Variants in NUF2 observed in about 807,000 individuals in gnomAD.
NUF2 encodes the protein kinetochore protein Nuf2.
A neutral mutation model predicts 61.8 loss-of-function variants in NUF2; 34 were observed. That is an observed-to-expected ratio of 0.55 (90% CI 0.42 to 0.73). NUF2 has a LOEUF of 0.73. NUF2 is among the 30% of genes least tolerant of loss of function. The pLI is 0.00. For missense variants in NUF2, 445 were observed against 539.1 expected (o/e 0.83, Z 1.73); for synonymous variants, 172 against 181.6 (o/e 0.95, Z 0.42).
At chr1:163,337,549 C>T (rs1650804096) in intron 6 of NUF2, among the ~76,000 whole-genome samples, 1 of 152,020 alleles carries the variant, frequency 6.6e-6, no homozygotes, top group Non-Finnish European at 1.5e-5. Context: ...CAAAGCTTAC[C>T]ACATTCATGT....
At position 163,338,036 on chromosome 1, in the gene NUF2, A is replaced by G. The variant is rs768117169; in HGVS notation, c.452A>G (p.Lys151Arg). The part of the protein sequence containing the change: ...FLWQYKSSAD[K>R]MQQLNAAHQE... ...CTTTAATAGAAATCCTCTGCGGACA[A>G]AATGCAACAGTTAAACGCCGCACAC... The change falls in exon 7 of 14, where the codon AAA becomes AGA. Residue 151 changes from lysine to arginine, a missense_variant. Transcript: ENST00000271452. The G allele has an allele frequency of 2.4e-5, 38 of 1,613,028 alleles. No homozygotes were observed. Among genetic ancestry groups the G allele is most frequent in the Non-Finnish European group, 3.0e-5 (35 of 1,179,244 alleles).
intron 5 of NUF2, among the ~76,000 whole-genome samples, chr1:163,331,257 C>A (rs535201671): frequency 6.6e-6 from 1 of 151,698 alleles, no homozygotes; most frequent in Non-Finnish European, 1.5e-5. Context: ...AATGCCTTTT[C>A]GGCCTCTAGT....
intron 5 of NUF2, among the ~76,000 whole-genome samples, chr1:163,331,983 T>C (rs1650612795): frequency 6.6e-6 from 1 of 152,010 alleles, no homozygotes; most frequent in African/African-American, 2.4e-5. Flanking sequence ...AATTTTGAGC[T>C]TATTGTTATT....
intron 5 of NUF2, among the ~76,000 whole-genome samples, chr1:163,335,077 C>A (rs1229443804): frequency 6.6e-6 from 1 of 152,186 alleles, no homozygotes; most frequent in African/African-American, 2.4e-5. Flanking sequence ...CCTCAGCCTC[C>A]TGAGTAGCTG....
At chr1:163,328,195 T>C (rs946805375) in intron 3 of NUF2, 33 bp from the exon 4 acceptor site, 55 of 1,388,408 alleles carry the variant, frequency 4.0e-5, no homozygotes, top group Non-Finnish European at 5.4e-5. Context: ...CTAATCAATG[T>C]GTAATGTCGA....
rs552295889 is a variant in NUF2 at position 163,348,421 on chromosome 1, G to T, written c.1124+483G>T. ...TTGGTAAAATACCCATCAGTTCTAA[G>T]AATGTGTTTTTAAAATACCTGCCCC... On this transcript the variant is annotated intron_variant, in intron 12 of 13. Coordinates refer to ENST00000271452, the MANE Select transcript of NUF2 (RefSeq NM_145697.3). Among the ~76,000 whole-genome samples the T allele has an allele frequency of 3.3e-5, 5 of 152,280 alleles. No homozygotes were observed. The South Asian group carries it at 1.0e-3, about 32-fold the overall frequency.
intron 13 of NUF2, among the ~76,000 whole-genome samples, chr1:163,350,075 G>A (rs1409492856): frequency 6.6e-6 from 1 of 151,948 alleles, no homozygotes. Context: ...GCCGAGGCGG[G>A]CGGATCACGA....
chr1:163,327,755 C>T (rs910193652), intron 3 of NUF2, 193 bp downstream of exon 3: 16 of 543,598 alleles, frequency 2.9e-5, no homozygotes, highest in Non-Finnish European at 4.9e-5. Context: ...GGTTTATATC[C>T]ATAGATTTAG....
intron 10 of NUF2, among the ~76,000 whole-genome samples, chr1:163,345,267 T>C (rs138497099): frequency 8.4e-4 from 128 of 152,282 alleles, no homozygotes; most frequent in African/African-American, 2.9e-3. Flanking sequence ...GAAGATGAGT[T>C]AATGTTTTTA....
Position 163,342,402 on chromosome 1 carries a change from G to A in NUF2, c.670-1331G>A, listed in dbSNP as rs145725534. Among the ~76,000 whole-genome samples, 258 of 152,126 alleles carry A rather than the reference G, an allele frequency of 1.7e-3. 1 individual carries two copies. Among genetic ancestry groups the A allele is most frequent in the African/African-American group, 6.0e-3 (247 of 41,504 alleles). The stretch of plus-strand genomic sequence containing the variant: ...AAAAGTGATGAAAGTTAACACTATT[G>A]TAAGGAAAATAACCTCTAATCTTGT... On this transcript the variant is annotated intron_variant, in intron 9 of 13. Transcript: ENST00000271452.
chr1:163,345,891 CT>C, intron 11 of NUF2, 73 bp downstream of exon 11: 2 of 1,082,172 alleles, frequency 1.8e-6, no homozygotes, highest in South Asian at 1.8e-5. Flanking sequence ...TTTGCTTTCA[CT>C]TTTTGTTATG....
chr1:163,346,853 A>G (rs1384150612), intron 11 of NUF2, among the ~76,000 whole-genome samples: 3 of 151,592 alleles, frequency 2.0e-5, no homozygotes, highest in African/African-American at 4.8e-5. Flanking sequence ...TCTGAAAAGC[A>G]CACACACACA....
At chr1:163,355,205 T>G in intron 13 of NUF2, 130 bp from the exon 14 acceptor site, 1 of 644,388 alleles carries the variant, frequency 1.6e-6, no homozygotes, top group Non-Finnish European at 2.6e-6. Flanking sequence ...ACATGCACAT[T>G]TGTGTGTGTG....
At chr1:163,337,208 G>A (rs949916588) in intron 6 of NUF2, among the ~76,000 whole-genome samples, 1 of 152,018 alleles carries the variant, frequency 6.6e-6, no homozygotes, top group Non-Finnish European at 1.5e-5. Flanking sequence ...GGACATATTT[G>A]AGGTTTATAT....
intron 9 of NUF2, among the ~76,000 whole-genome samples, chr1:163,342,743 G>C (rs2101683202): frequency 6.6e-6 from 1 of 152,172 alleles, no homozygotes; most frequent in Non-Finnish European, 1.5e-5. Context: ...TACGAAATGT[G>C]AAAGGCCTTC....
chr1:163,347,850 A>AT lies in NUF2; in HGVS notation c.1038dup (p.Val347CysfsTer15). 6.2e-7 allele frequency: 1 copy of AT among 1,612,360 alleles called. No homozygotes were observed. The highest frequency in any genetic ancestry group is 8.5e-7 in the Non-Finnish European group (1 of 1,179,282). On this transcript the variant is annotated frameshift_variant, in exon 12 of 14. Transcript: ENST00000271452. LOFTEE classifies it high-confidence loss of function. ...AGAAAATTCGTTCAAAAGACTGATG[A>AT]TTGTGAAGAAGGAAAAACTTGCCAC...
Position 163,355,634 on chromosome 1 carries a change from CT to C in NUF2, c.*169del. 1 of 418,552 alleles carries C rather than the reference CT, an allele frequency of 2.4e-6. No homozygotes were observed. Among genetic ancestry groups the C allele is most frequent in the Non-Finnish European group, 4.2e-6 (1 of 235,566 alleles). The allele number at this position is 418,552 out of a possible 1,614,324, so 25.9% of individuals were successfully genotyped here. On this transcript the variant is annotated 3_prime_UTR_variant, in exon 14 of 14. Coordinates refer to ENST00000271452, the MANE Select transcript of NUF2 (RefSeq NM_145697.3). ...GTTAATAAGATGAATTTAATGTAGG[CT>C]TTTATTAATTTATAATTAAAATAAC... is the stretch of plus-strand genomic sequence containing the variant.
At chr1:163,352,710 C>CA (rs1357575588) in intron 13 of NUF2, among the ~76,000 whole-genome samples, 2 of 152,024 alleles carry the variant, frequency 1.3e-5, no homozygotes, top group Non-Finnish European at 2.9e-5. Flanking sequence ...ACTAAAAATA[C>CA]AAAAAATTAG....
intron 13 of NUF2, among the ~76,000 whole-genome samples, chr1:163,349,762 C>A (rs193036498): frequency 1.3e-3 from 199 of 152,034 alleles, no homozygotes; most frequent in African/African-American, 4.5e-3. Flanking sequence ...CACATGTGAG[C>A]ATTATCTTAA....
Sources: gnomAD v4.1 joint callset for allele counts (sites outside exome capture counted in the v4.1 genomes callset) on GRCh38, gnomAD v4.1.1 for gene constraint, MANE v1.5 for transcripts, NCBI Gene and HGNC (gene_info 2026-07-23, HGNC 2026-07-21) for gene names.